Variants in COPZ1 observed in about 807,000 individuals in gnomAD.
COPZ1 encodes coatomer subunit zeta-1.
Under a neutral mutation model 31.7 loss-of-function variants are expected in COPZ1, and 4 were observed. That is an observed-to-expected ratio of 0.13 (90% CI 0.06 to 0.29). The LOEUF is 0.29. Ranked by LOEUF, COPZ1 falls within the 10% of genes least tolerant of loss-of-function variation. The pLI is 1.00. For missense variants in COPZ1, 156 were observed against 211.5 expected (o/e 0.74, Z 1.63); for synonymous variants, 74 against 79.0 (o/e 0.94, Z 0.33).
chr12:54,347,773 T>C lies in COPZ1; in HGVS notation c.324T>C (p.Asn108=), dbSNP rs1437844146. ...TCTTCTCTTGGGGACTCAGGAAAAA[T>C]GTAGAAAAGCGAGCACTGCTGGAGA... ...FDSLSQMLRK[N]VEKRALLENM... is the part of the protein sequence containing the mutation. Residue 108 remains asparagine (N), a synonymous_variant, in exon 6 of 9, where the codon AAT becomes AAC. Transcript: ENST00000262061. 5.0e-6 allele frequency: 8 copies of C among 1,608,494 alleles called. No homozygotes were observed. The Admixed American group carries it at 1.4e-4, about 28-fold the overall frequency.
In COPZ1 at chr12:54,350,901, T is replaced by C. The variant is rs1026597955; in HGVS notation, c.*378T>C. On this transcript the variant is annotated 3_prime_UTR_variant, in exon 9 of 9. Coordinates refer to ENST00000262061, the MANE Select transcript of COPZ1 (RefSeq NM_016057.3). ...AATGTGCTGAGTGTTTTCCTCCCTT[T>C]GCCTCTACCTGGCCCTCATCCCAAC... 4.1e-6 allele frequency: 1 copy of C among 246,822 alleles called. No homozygotes were observed. The highest frequency in any genetic ancestry group is 2.2e-5 in the African/African-American group (1 of 45,550). 15.3% of individuals were successfully genotyped at this position (246,822 alleles called of 1,614,324 possible).
intron 1 of COPZ1, among the ~76,000 whole-genome samples, chr12:54,335,057 C>T (rs1953833173): frequency 6.6e-6 from 1 of 151,840 alleles, no homozygotes; most frequent in Admixed American, 6.6e-5. Context: ...ACCTGTAATC[C>T]CAGCTACTGA....
intron 1 of COPZ1, among the ~76,000 whole-genome samples, chr12:54,331,032 C>T (rs1027217408): frequency 6.6e-6 from 1 of 152,164 alleles, no homozygotes; most frequent in Non-Finnish European, 1.5e-5. Flanking sequence ...TCTCTCCTGG[C>T]CTTACATTCC....
intron 4 of COPZ1, 78 bp downstream of exon 4, chr12:54,343,394 G>A: frequency 8.3e-7 from 1 of 1,211,528 alleles, no homozygotes; most frequent in South Asian, 1.2e-5. Flanking sequence ...CTGGTTTGGG[G>A]CCCTAATAGA....
At chr12:54,335,102 AGGC>A (rs1255605168) in intron 1 of COPZ1, among the ~76,000 whole-genome samples, 1 of 150,822 alleles carries the variant, frequency 6.6e-6, no homozygotes, top group Non-Finnish European at 1.5e-5. Flanking sequence ...GGAACCCAGG[AGGC>A]GGAGGTTGCA....
chr12:54,349,618 AG>A lies in COPZ1; in HGVS notation c.449del. ...CTAAATGCTTGTATCTCTGTGCCAT[AG>A]GGTGAAGATGTCCCCCTTACGGAGC... On this transcript the variant is annotated splice_acceptor_variant, in intron 7 of 8. Transcript: ENST00000262061. LOFTEE classifies it high-confidence loss of function. The A allele has an allele frequency of 6.2e-7, 1 of 1,612,052 alleles. No homozygotes were observed. The highest frequency in any genetic ancestry group is 8.5e-7 in the Non-Finnish European group (1 of 1,178,106).
At chr12:54,348,134 G>A in intron 7 of COPZ1, 83 bp downstream of exon 7, 9 of 1,270,884 alleles carry the variant, frequency 7.1e-6, no homozygotes, top group Non-Finnish European at 1.0e-5. Flanking sequence ...GTGTCCAGTA[G>A]TTGGGGCTCA....
At chr12:54,340,275 A>T (rs1183407567) in intron 1 of COPZ1, 3 of 499,952 alleles carry the variant, frequency 6.0e-6, no homozygotes, top group Non-Finnish European at 1.0e-5. Context: ...TAACAGCATG[A>T]CCTCTCTTGA....
chr12:54,345,541 C>T (rs1313454712), intron 5 of COPZ1, 26 bp downstream of exon 5: 1 of 1,580,538 alleles, frequency 6.3e-7, no homozygotes, highest in Non-Finnish European at 8.7e-7. Context: ...TTTTTTTTCC[C>T]CTCAAGTTAT....
chr12:54,343,617 G>C (rs978102033), intron 4 of COPZ1, among the ~76,000 whole-genome samples: 20 of 152,204 alleles, frequency 1.3e-4, no homozygotes, highest in African/African-American at 4.8e-4. Flanking sequence ...ACTGCAGGGG[G>C]ATACTTGCTT....
At chr12:54,331,724 A>C (rs1037255393) in intron 1 of COPZ1, among the ~76,000 whole-genome samples, 1 of 151,920 alleles carries the variant, frequency 6.6e-6, no homozygotes, top group Non-Finnish European at 1.5e-5. Flanking sequence ...AAGCAGGGAG[A>C]TGTGGGGGGG....
rs1954089019 is a variant in COPZ1 at position 54,347,762 on chromosome 12, C to G, written c.318-5C>G. On this transcript the variant is annotated splice_polypyrimidine_tract_variant and splice_region_variant and intron_variant, in intron 5 of 8. Coordinates refer to ENST00000262061, the MANE Select transcript of COPZ1 (RefSeq NM_016057.3). ...TTATTCTCTTCTCTTCTCTTGGGGACTCAGGAAAAATGTAGAAAAGCGAGC... is the reference window on the plus strand; with the variant it reads ...TTATTCTCTTCTCTTCTCTTGGGGAGTCAGGAAAAATGTAGAAAAGCGAGC... The G allele has an allele frequency of 1.2e-6, 2 of 1,609,100 alleles. No individual in the cohort carries two copies. Among genetic ancestry groups the G allele is most frequent in the Non-Finnish European group, 1.7e-6 (2 of 1,178,766 alleles).
chr12:54,325,367 C>T (rs990008008), intron 1 of COPZ1, 186 bp downstream of exon 1: 3 of 763,852 alleles, frequency 3.9e-6, no homozygotes, highest in Non-Finnish European at 6.1e-6. Flanking sequence ...AGTAGGAAGC[C>T]CTGCCGGGGA....
intron 1 of COPZ1, among the ~76,000 whole-genome samples, chr12:54,331,474 C>T (rs774612277): frequency 9.9e-5 from 15 of 152,050 alleles, no homozygotes; most frequent in Non-Finnish European, 1.5e-4. Context: ...CCACTGCGCC[C>T]GGCCTATTTT....
chr12:54,348,892 G>A (rs1027245162), intron 7 of COPZ1, among the ~76,000 whole-genome samples: 1 of 152,152 alleles, frequency 6.6e-6, no homozygotes, highest in Admixed American at 6.5e-5. Flanking sequence ...AAGGCCCCAG[G>A]TCAGCTGAGG....
chr12:54,342,432 A>G, intron 3 of COPZ1, 145 bp downstream of exon 3: 1 of 651,940 alleles, frequency 1.5e-6, no homozygotes. Context: ...AACTCTTCAG[A>G]ATGTAATGGG....
intron 1 of COPZ1, among the ~76,000 whole-genome samples, chr12:54,338,944 A>G (rs1953921147): frequency 6.6e-6 from 1 of 152,186 alleles, no homozygotes; most frequent in Admixed American, 6.5e-5. Context: ...TTATGTTTGT[A>G]GAGGCTGCAG....
At chr12:54,330,539 TAGGGG>T (rs1259148300) in intron 1 of COPZ1, among the ~76,000 whole-genome samples, 6 of 152,292 alleles carry the variant, frequency 3.9e-5, no homozygotes, top group Admixed American at 6.5e-5. Context: ...ATCAAAGATC[TAGGGG>T]AGCTGTCACA....
intron 1 of COPZ1, among the ~76,000 whole-genome samples, chr12:54,338,001 T>C (rs1953904291): frequency 6.6e-6 from 1 of 152,224 alleles, no homozygotes; most frequent in Non-Finnish European, 1.5e-5. Flanking sequence ...TCACACCCTG[T>C]TGGCCACAAA....
Sources: gnomAD v4.1 joint callset for allele counts (sites outside exome capture counted in the v4.1 genomes callset) on GRCh38, gnomAD v4.1.1 for gene constraint, MANE v1.5 for transcripts, NCBI Gene and HGNC (gene_info 2026-07-23, HGNC 2026-07-21) for gene names.